TMTC3: variants seen among roughly 807,000 people sequenced by gnomAD.
The protein encoded by TMTC3 is protein O-mannosyl-transferase TMTC3.
A neutral mutation model predicts 92.2 loss-of-function variants in TMTC3; 52 were observed. The observed-to-expected ratio is 0.56, with a 90% CI of 0.45 to 0.71. TMTC3 has a LOEUF of 0.71. Ranked by LOEUF, TMTC3 falls within the 30% of genes least tolerant of loss-of-function variation. TMTC3 has a pLI of 0.00. For synonymous variants in TMTC3, 339 were observed against 363.3 expected (o/e 0.93, Z 0.76); for missense variants, 896 against 1,057.1 (o/e 0.85, Z 2.11).
At chr12:88,173,700 C>T (rs972669751) in intron 8 of TMTC3, among the ~76,000 whole-genome samples, 2 of 152,072 alleles carry the variant, frequency 1.3e-5, no homozygotes, top group African/African-American at 4.8e-5. Flanking sequence ...AGCTTTTACC[C>T]ATATATCCAT....
At chr12:88,160,040 A>G (rs772987668) in intron 4 of TMTC3, 74 bp from the exon 5 acceptor site, 12 of 1,006,628 alleles carry the variant, frequency 1.2e-5, no homozygotes, top group Admixed American at 4.7e-5. Context: ...TGGAATCACA[A>G]AGTTTAAAAT....
intron 10 of TMTC3, among the ~76,000 whole-genome samples, chr12:88,177,690 C>T (rs2041274819): frequency 6.6e-6 from 1 of 152,136 alleles, no homozygotes; most frequent in Non-Finnish European, 1.5e-5. Context: ...CCACCAAATG[C>T]CATCATTATT....
intron 7 of TMTC3, among the ~76,000 whole-genome samples, chr12:88,171,249 T>G (rs2041201673): frequency 6.6e-6 from 1 of 152,168 alleles, no homozygotes; most frequent in Non-Finnish European, 1.5e-5. Context: ...TTAGCATATT[T>G]CATTATCATC....
intron 10 of TMTC3, among the ~76,000 whole-genome samples, chr12:88,188,501 C>G (rs940957785): frequency 1.3e-5 from 2 of 152,028 alleles, no homozygotes; most frequent in Non-Finnish European, 2.9e-5. Flanking sequence ...ATAAAAATTT[C>G]TTCATTACCT....
At chr12:88,169,141 G>T (rs777129091) in intron 7 of TMTC3, among the ~76,000 whole-genome samples, 2 of 152,204 alleles carry the variant, frequency 1.3e-5, no homozygotes, top group Admixed American at 1.3e-4. Flanking sequence ...GTCAAGAAGA[G>T]TGGAAGGAAC....
Position 88,148,435 on chromosome 12 carries a change from A to G in TMTC3, c.120A>G (p.Lys40=). 1 of 1,613,554 alleles carries G rather than the reference A, an allele frequency of 6.2e-7. No individual in the cohort carries two copies. Residue 40 remains lysine, a synonymous_variant, in exon 2 of 14, where the codon AAA becomes AAG. Transcript: ENST00000266712. The part of the protein sequence containing the change: ...FDDVSAILDN[K]DLHPSTPLKT... ...ATGTTTCAGCAATACTGGATAACAA[A>G]GACTTGCATCCATCTACACCTTTAA...
chr12:88,153,403 C>G lies in TMTC3; in HGVS notation c.302C>G (p.Ala101Gly), dbSNP rs774850630. 1.2e-6 allele frequency: 2 copies of G among 1,613,068 alleles called. No individual in the cohort carries two copies. The highest frequency in any genetic ancestry group is 8.5e-7 in the Non-Finnish European group (1 of 1,179,300). Residue 101 changes from alanine (A) to glycine (G), a missense_variant, in exon 3 of 14, where the codon GCT (alanine) becomes GGT (glycine). Physicochemically the swap from Ala to Gly is moderately conservative, Grantham distance 60 (BLOSUM62 0). Transcript: ENST00000266712. Reference sequence around the variant, plus strand: ...CATCTCCTGAATATGATTTTTCATGCTGTGGTTAGTGTGATATTTCTCAAA... The same window carrying G: ...CATCTCCTGAATATGATTTTTCATGGTGTGGTTAGTGTGATATTTCTCAAA... ...SYHLLNMIFH[A>G]VVSVIFLKVC...
At chr12:88,166,255 T>C (rs2041141923) in intron 6 of TMTC3, 75 bp from the exon 7 acceptor site, 2 of 1,361,218 alleles carry the variant, frequency 1.5e-6, no homozygotes, top group East Asian at 2.5e-5. Context: ...GTTTATTGTT[T>C]AGTGTTTTAC....
intron 10 of TMTC3, among the ~76,000 whole-genome samples, chr12:88,181,401 A>G (rs1045622246): frequency 1.3e-5 from 2 of 152,098 alleles, no homozygotes; most frequent in Non-Finnish European, 2.9e-5. Context: ...TGGGCATTGT[A>G]AAATAATTTG....
chr12:88,160,149 G>A lies in TMTC3; in HGVS notation c.544G>A (p.Ala182Thr), dbSNP rs1476921585. The change falls in exon 5 of 14, where the codon GCT (alanine) becomes ACT (threonine). Residue 182 changes from alanine (A) to threonine (T), a missense_variant. Physicochemically the swap from Ala to Thr is moderately conservative, Grantham distance 58. Transcript: ENST00000266712. ...TPIALTVFLV[A>T]VATLCKEQGI... Reference sequence around the variant, plus strand: ...AATTGCCTTGACAGTGTTTTTAGTGGCTGTTGCAACATTATGTAAAGAACA... The same window carrying A: ...AATTGCCTTGACAGTGTTTTTAGTGACTGTTGCAACATTATGTAAAGAACA... 2 of 1,592,864 alleles carry A rather than the reference G, an allele frequency of 1.3e-6. No homozygotes were observed. Among genetic ancestry groups the A allele is most frequent in the Admixed American group, 3.6e-5 (2 of 55,442 alleles).
chr12:88,199,617 GAT>G lies in TMTC3; in HGVS notation c.*3970_*3971del, dbSNP rs1303217657. The G allele has an allele frequency of 4.6e-5, 7 of 152,232 alleles. No individual in the cohort carries two copies. In the East Asian group the frequency reaches 1.4e-3, roughly 29 times the overall value. The allele number at this position is 152,232 out of a possible 1,614,324, so 9.4% of individuals were successfully genotyped here. A position where few individuals can be genotyped will look rare whatever the true frequency, so the allele number is the denominator to read the frequency against. ...GCTAACAAGTACATAGATAGCCTAA[GAT>G]AAATTATACTTAGGATGAAGCTAAA... On this transcript the variant is annotated 3_prime_UTR_variant, in exon 14 of 14. Transcript: ENST00000266712.
intron 10 of TMTC3, among the ~76,000 whole-genome samples, chr12:88,186,808 T>A (rs2041382658): frequency 1.3e-5 from 2 of 152,162 alleles, no homozygotes; most frequent in South Asian, 4.1e-4. Context: ...GCCTTTTTGA[T>A]GCTAAACAAT....
At position 88,192,833 on chromosome 12, in the gene TMTC3, A is replaced by G. The variant is rs768036404; in HGVS notation, c.1933+3A>G. ...TGCTATAGTAATGCAAGAATCAGGTATGTTTTCTCAAAATATTTCTGTTTA... is the reference window on the plus strand; with the variant it reads ...TGCTATAGTAATGCAAGAATCAGGTGTGTTTTCTCAAAATATTTCTGTTTA... On this transcript the variant is annotated splice_donor_region_variant and intron_variant, in intron 13 of 13. Transcript: ENST00000266712. The G allele has an allele frequency of 2.5e-6, 4 of 1,597,162 alleles. No homozygotes were observed. The highest frequency in any genetic ancestry group is 3.4e-6 in the Non-Finnish European group (4 of 1,171,780).
rs1055253836 is a variant in TMTC3, at chr12:88,142,396, G to C, written c.-120G>C. On this transcript the variant is annotated 5_prime_UTR_variant, in exon 1 of 14. Transcript: ENST00000266712. ...GCCTGCAAACTGGTGGCCTGAACGA[G>C]GTAGACCATGACTGTGGTTTCAGTG... is the stretch of plus-strand genomic sequence containing the variant. 2.0e-5 allele frequency: 3 copies of C among 152,736 alleles called. No individual in the cohort carries two copies. Among genetic ancestry groups the C allele is most frequent in the Middle Eastern group, 6.8e-3 (2 of 296 alleles). The allele number at this position is 152,736 out of a possible 1,614,324, so 9.5% of individuals were successfully genotyped here.
intron 12 of TMTC3, among the ~76,000 whole-genome samples, chr12:88,191,691 C>CT (rs759763574): frequency 6.6e-6 from 1 of 151,140 alleles, no homozygotes; most frequent in Non-Finnish European, 1.5e-5. Context: ...ACCTGTTCAG[C>CT]TTTTTTTTAG....
intron 10 of TMTC3, among the ~76,000 whole-genome samples, chr12:88,184,986 A>T (rs2138429586): frequency 6.6e-6 from 1 of 152,354 alleles, no homozygotes; most frequent in Admixed American, 6.5e-5. Flanking sequence ...TGCAGAAAAC[A>T]GTGAAGAAAA....
Position 88,148,498 on chromosome 12 carries a change from G to A in TMTC3, c.183G>A (p.Met61Ile). Residue 61 changes from methionine (M) to isoleucine (I), a missense_variant, in exon 2 of 14, where the codon ATG becomes ATA. Transcript: ENST00000266712. The part of the protein sequence containing the change: ...LFQNDFWGTP[M>I]SEERSHKSYR... ...AAAATGACTTCTGGGGAACCCCTATGTCTGAGGTAAGTAATTACTTACATA... is the reference window on the plus strand; with the variant it reads ...AAAATGACTTCTGGGGAACCCCTATATCTGAGGTAAGTAATTACTTACATA... The A allele has an allele frequency of 6.3e-7, 1 of 1,599,302 alleles. No homozygotes were observed. The highest frequency in any genetic ancestry group is 1.7e-5 in the Admixed American group (1 of 58,122).
chr12:88,190,531 C>T lies in TMTC3; in HGVS notation c.1615C>T (p.Arg539Ter). Residue 539 changes from arginine (R) to a stop codon, truncating the protein, a stop_gained, in exon 12 of 14, where the codon CGA becomes TGA. Coordinates refer to ENST00000266712, the MANE Select transcript of TMTC3 (RefSeq NM_181783.4). LOFTEE classifies it high-confidence loss of function. Reference protein sequence around the residue: ...NVYINLANLIRANESRLEEAD... With the variant: ...NVYINLANLI ...TTATATCAATCTGGCTAACCTGATC[C>T]GAGCAAATGAGTCCCGACTGGAAGA... 4 of 1,613,862 alleles carry T rather than the reference C, an allele frequency of 2.5e-6. No individual in the cohort carries two copies. The highest frequency in any genetic ancestry group is 3.4e-6 in the Non-Finnish European group (4 of 1,179,918).
chr12:88,144,713 C>T (rs889380156), intron 1 of TMTC3, among the ~76,000 whole-genome samples: 2 of 152,156 alleles, frequency 1.3e-5, no homozygotes, highest in African/African-American at 4.8e-5. Context: ...TATCCTGTTT[C>T]CTGTGCTAGG....
Sources: allele counts gnomAD v4.1 joint callset (sites outside exome capture counted in the v4.1 genomes callset), GRCh38; gene constraint gnomAD v4.1.1; transcripts MANE v1.5; gene names NCBI Gene and HGNC (gene_info 2026-07-23, HGNC 2026-07-21).